Variants in JARID2 observed in about 807,000 individuals in gnomAD.
JARID2 encodes the protein jumonji and AT-rich interaction domain containing 2.
JARID2 carries 21 observed loss-of-function variants against 125.6 expected under a neutral mutation model. That is an observed-to-expected ratio of 0.17 (90% confidence interval 0.12 to 0.24). The LOEUF (loss-of-function observed/expected upper bound fraction) is 0.24, where lower values mean the gene tolerates loss of function less well. Ranked by LOEUF, JARID2 falls within the 10% of genes least tolerant of loss-of-function variation. The probability of loss-of-function intolerance (pLI) is 1.00; values close to 1 mark genes in which losing one functional copy is unlikely to be tolerated. For synonymous variants in JARID2, 736 were observed against 661.6 expected (o/e 1.11, Z -1.73); for missense variants, 1,303 against 1,639.6 (o/e 0.79, Z 3.55).
chr6:15,423,929 C>T (rs1766610806), intron 3 of JARID2, among the ~76,000 whole-genome samples: 1 of 152,092 alleles, frequency 6.6e-6, no homozygotes, highest in Non-Finnish European at 1.5e-5. Context: ...TTGTTTTCCC[C>T]AAGACACCTC....
intron 1 of JARID2, among the ~76,000 whole-genome samples, chr6:15,333,228 G>A (rs1008096297): frequency 6.6e-6 from 1 of 152,080 alleles, no homozygotes; most frequent in Admixed American, 6.6e-5. Context: ...CACCGTGCCC[G>A]GCACATTTAC....
At chr6:15,396,710 A>G (rs1440988554) in intron 2 of JARID2, among the ~76,000 whole-genome samples, 1 of 152,208 alleles carries the variant, frequency 6.6e-6, no homozygotes, top group Non-Finnish European at 1.5e-5. Context: ...TGAATTGTTT[A>G]TTTTGGGGAT....
At chr6:15,371,132 G>C (rs1764152627) in intron 1 of JARID2, among the ~76,000 whole-genome samples, 1 of 152,228 alleles carries the variant, frequency 6.6e-6, no homozygotes, top group Non-Finnish European at 1.5e-5. Context: ...TAATGAAGCT[G>C]CTTGTGTCAG....
Position 15,468,709 on chromosome 6 carries a change from A to G in JARID2, c.661A>G (p.Asn221Asp). 6.2e-7 allele frequency: 1 copy of G among 1,612,522 alleles called. No individual in the cohort carries two copies. The highest frequency in any genetic ancestry group is 8.5e-7 in the Non-Finnish European group (1 of 1,179,252). ...RKGKTHKHVH[N>D]GHVFNGSSRS... ...AGGAAAAACCCACAAACATGTTCAC[A>G]ACGGGCATGGTAGGTCCACCGTTGA... Residue 221 changes from asparagine (N) to aspartate (D), a missense_variant, in exon 5 of 18, where the codon AAC becomes GAC. By Grantham distance (23) the Asn-to-Asp change is conservative. Transcript: ENST00000341776.
chr6:15,289,949 A>T (rs879678708), intron 1 of JARID2, among the ~76,000 whole-genome samples: 1 of 152,226 alleles, frequency 6.6e-6, no homozygotes, highest in Non-Finnish European at 1.5e-5. Context: ...ACTTGTCTTC[A>T]TGGAAAGAAG....
chr6:15,342,064 C>A (rs568599124), intron 1 of JARID2, among the ~76,000 whole-genome samples: 1 of 152,274 alleles, frequency 6.6e-6, no homozygotes, highest in Non-Finnish European at 1.5e-5. Flanking sequence ...TTGTGGTATC[C>A]ATTTTTCTTT....
intron 6 of JARID2, among the ~76,000 whole-genome samples, chr6:15,489,014 G>C (rs1442158607): frequency 6.6e-6 from 1 of 152,178 alleles, no homozygotes; most frequent in African/African-American, 2.4e-5. Context: ...CTCCCCCGCT[G>C]TTCCCAATGC....
chr6:15,428,515 G>A (rs546574627), intron 3 of JARID2, among the ~76,000 whole-genome samples: 1 of 152,226 alleles, frequency 6.6e-6, no homozygotes, highest in South Asian at 2.1e-4. Context: ...GTGAGAACAT[G>A]CCATATTTGG....
At chr6:15,510,402 G>C (rs1771218848) in intron 12 of JARID2, among the ~76,000 whole-genome samples, 2 of 152,182 alleles carry the variant, frequency 1.3e-5, no homozygotes, top group South Asian at 4.1e-4. Flanking sequence ...GTTGTGAGTG[G>C]AAGTGTGGCC....
At position 15,311,533 on chromosome 6, in the gene JARID2, G is replaced by A. The variant is rs185714440; in HGVS notation, c.46-62584G>A. Among the ~76,000 whole-genome samples the A allele has an allele frequency of 1.2e-4, 19 of 152,288 alleles. No individual in the cohort carries two copies. The East Asian group carries it at 3.5e-3, about 28-fold the overall frequency. On this transcript the variant is annotated intron_variant, in intron 1 of 17. Coordinates refer to ENST00000341776, the MANE Select transcript of JARID2 (RefSeq NM_004973.4). ...GCGGAGTTTGCGGTGAGCCGAGATC[G>A]CGCCATTGTACTCCAGCCTGGGCAA...
Position 15,283,733 on chromosome 6 carries a change from T to C in JARID2, c.45+37149T>C, listed in dbSNP as rs111980831. On this transcript the variant is annotated intron_variant, in intron 1 of 17. Coordinates refer to ENST00000341776, the MANE Select transcript of JARID2 (RefSeq NM_004973.4). ...TTTTTTTTTTTTTTTTGAGATGGAGTGTCACTCTGTTGCCCAGGCTGGAGT... is the reference window on the plus strand; with the variant it reads ...TTTTTTTTTTTTTTTTGAGATGGAGCGTCACTCTGTTGCCCAGGCTGGAGT... 1.7e-3 allele frequency among the ~76,000 whole-genome samples: 240 copies of C among 137,292 alleles called. 1 individual carries two copies. The highest frequency in any genetic ancestry group is 6.4e-3 in the African/African-American group (232 of 36,458). 90.1% of individuals were successfully genotyped at this position (137,292 alleles called of 152,430 possible).
intron 5 of JARID2, among the ~76,000 whole-genome samples, chr6:15,484,419 TTGTC>T (rs1430716665): frequency 6.6e-6 from 1 of 152,196 alleles, no homozygotes; most frequent in African/African-American, 2.4e-5. Context: ...AGACCAGTGT[TTGTC>T]TGCATTGAAG....
At chr6:15,346,259 C>G (rs983954125) in intron 1 of JARID2, among the ~76,000 whole-genome samples, 1 of 152,164 alleles carries the variant, frequency 6.6e-6, no homozygotes. Context: ...TTTTATTACA[C>G]AGTAGCTTAT....
chr6:15,306,591 G>A (rs963942025), intron 1 of JARID2, among the ~76,000 whole-genome samples: 6 of 151,834 alleles, frequency 4.0e-5, no homozygotes, highest in African/African-American at 1.4e-4. Context: ...GCCCGCCTCG[G>A]CCTCCCAAAG....
chr6:15,379,522 T>A (rs760317865), intron 2 of JARID2, among the ~76,000 whole-genome samples: 1 of 152,188 alleles, frequency 6.6e-6, no homozygotes, highest in Non-Finnish European at 1.5e-5. Flanking sequence ...AGAGGGAAGC[T>A]ATTAACTGTA....
intron 17 of JARID2, among the ~76,000 whole-genome samples, chr6:15,518,967 G>T (rs1771696374): frequency 6.6e-6 from 1 of 152,190 alleles, no homozygotes. Flanking sequence ...TGAATTCATG[G>T]CTTGGGTTCT....
chr6:15,489,835 C>T (rs1235194116), intron 6 of JARID2, among the ~76,000 whole-genome samples: 4 of 152,202 alleles, frequency 2.6e-5, no homozygotes, highest in Non-Finnish European at 5.9e-5. Flanking sequence ...CAGGTGTTGA[C>T]GGGGATCCTC....
rs186957601 is a variant in JARID2, at chr6:15,388,272, G to C, written c.181+14020G>C. Among the ~76,000 whole-genome samples, 3 of 152,004 alleles carry C rather than the reference G, an allele frequency of 2.0e-5. No individual in the cohort carries two copies. In the South Asian group the frequency reaches 6.2e-4, roughly 32 times the overall value. Reference sequence around the variant, plus strand: ...TTTTGGAAATAACCTGTTATTACTTGAGCCACTTTAAATGTTTAGAGTCCT... The same window carrying C: ...TTTTGGAAATAACCTGTTATTACTTCAGCCACTTTAAATGTTTAGAGTCCT... On this transcript the variant is annotated intron_variant, in intron 2 of 17. Transcript: ENST00000341776.
At chr6:15,311,178 C>T (rs1227245597) in intron 1 of JARID2, among the ~76,000 whole-genome samples, 2 of 152,200 alleles carry the variant, frequency 1.3e-5, no homozygotes, top group Non-Finnish European at 2.9e-5. Context: ...TCATATCACC[C>T]TTGCTCCTAA....
Sources: allele counts gnomAD v4.1 joint callset (sites outside exome capture counted in the v4.1 genomes callset), GRCh38; gene constraint gnomAD v4.1.1; transcripts MANE v1.5; gene names NCBI Gene and HGNC (gene_info 2026-07-23, HGNC 2026-07-21).